GOLGA8B: variants seen among roughly 807,000 people sequenced by gnomAD.
The protein encoded by GOLGA8B is golgin subfamily A member 8B.
A neutral mutation model predicts 15.6 loss-of-function variants in GOLGA8B; 1 was observed. The observed-to-expected ratio is 0.06, with a 90% CI of 0.02 to 0.30. The LOEUF (loss-of-function observed/expected upper bound fraction) is 0.30. Ranked by LOEUF, GOLGA8B falls within the 10% of genes least tolerant of loss-of-function variation. The probability of loss-of-function intolerance (pLI) is 1.00; values close to 1 mark genes in which losing one functional copy is unlikely to be tolerated. For synonymous variants in GOLGA8B, 9 were observed against 80.3 expected (o/e 0.11, Z 4.75); for missense variants, 17 against 201.3 (o/e 0.08, Z 5.54).
At position 34,526,443 on chromosome 15, in the gene GOLGA8B, A is replaced by G. The variant is rs1346079342; in HGVS notation, c.*1189T>C. 3.4e-5 allele frequency: 5 copies of G among 148,934 alleles called. No individual in the cohort carries two copies. The highest frequency in any genetic ancestry group is 7.4e-5 in the Non-Finnish European group (5 of 67,164). 9.2% of individuals were successfully genotyped at this position (148,934 alleles called of 1,614,324 possible). ...ATGTCAGAGTAACCGAGGTGGTTGA[A>G]GAATAGGTATTAGCCAGAGAGGTCT... On this transcript the variant is annotated 3_prime_UTR_variant, in exon 24 of 24. Transcript: ENST00000683415.
rs1047206147 is a variant in GOLGA8B, at chr15:34,526,839, C to A, written c.*793G>T. The A allele has an allele frequency of 1.3e-5, 2 of 149,396 alleles. No homozygotes were observed. The highest frequency in any genetic ancestry group is 5.0e-5 in the African/African-American group (2 of 40,374). 9.3% of individuals were successfully genotyped at this position (149,396 alleles called of 1,614,324 possible). A position where few individuals can be genotyped will look rare whatever the true frequency, so the allele number is the denominator to read the frequency against. ...ATTTTTAGGTCACTGAAAAAGAGTG[C>A]AACTGCTGCAGCTCACGATGCAATA... On this transcript the variant is annotated 3_prime_UTR_variant, in exon 24 of 24. Transcript: ENST00000683415.
At chr15:34,554,487 G>T (rs552833707) in intron 1 of GOLGA8B, among the ~76,000 whole-genome samples, 2 of 130,722 alleles carry the variant, frequency 1.5e-5, no homozygotes, top group African/African-American at 2.9e-5. Context: ...ACTACACCAC[G>T]CACACAAAAC....
intron 1 of GOLGA8B, among the ~76,000 whole-genome samples, chr15:34,562,494 TTA>T (rs972534392): frequency 4.6e-5 from 5 of 109,462 alleles, no homozygotes; most frequent in African/African-American, 1.2e-4. Context: ...TATTCATATT[TTA>T]TGTTTTGTTT....
intron 1 of GOLGA8B, among the ~76,000 whole-genome samples, chr15:34,561,043 G>A (rs1888612212): frequency 2.0e-5 from 3 of 146,560 alleles, no homozygotes; most frequent in Non-Finnish European, 3.0e-5. Flanking sequence ...GACCCAGAGT[G>A]GCACCTGGTA....
intron 1 of GOLGA8B, among the ~76,000 whole-genome samples, chr15:34,581,060 T>A (rs989658053): frequency 6.6e-6 from 1 of 152,152 alleles, no homozygotes; most frequent in South Asian, 2.1e-4. Flanking sequence ...GCCGAAGACA[T>A]TGAAGCCACC....
intron 1 of GOLGA8B, among the ~76,000 whole-genome samples, chr15:34,582,092 G>C (rs910994834): frequency 3.9e-5 from 6 of 152,172 alleles, no homozygotes; most frequent in Non-Finnish European, 8.8e-5. Flanking sequence ...CAGGCTGAAG[G>C]GGGAGGCAGC....
chr15:34,579,750 C>G (rs757561158), intron 1 of GOLGA8B, among the ~76,000 whole-genome samples: 9 of 152,182 alleles, frequency 5.9e-5, no homozygotes, highest in African/African-American at 9.7e-5. Context: ...GGGAGCAGGA[C>G]ATGTGCTGCA....
chr15:34,580,810 G>A (rs563573048), intron 1 of GOLGA8B, among the ~76,000 whole-genome samples: 1 of 152,250 alleles, frequency 6.6e-6, no homozygotes, highest in African/African-American at 2.4e-5. Context: ...CTGCCTCCTG[G>A]TGAGCAACCA....
chr15:34,575,248 C>T (rs1234542335), intron 1 of GOLGA8B, among the ~76,000 whole-genome samples: 3 of 151,970 alleles, frequency 2.0e-5, no homozygotes, highest in Admixed American at 1.3e-4. Flanking sequence ...CGGCCAGACA[C>T]CTGCCCCCGC....
chr15:34,550,788 G>A (rs1187267234), intron 4 of GOLGA8B, among the ~76,000 whole-genome samples: 1 of 139,450 alleles, frequency 7.2e-6, no homozygotes, highest in Non-Finnish European at 1.5e-5. Flanking sequence ...GAACTCAGGT[G>A]TTCAAGACCA....
At chr15:34,571,586 G>T (rs1888914447) in intron 1 of GOLGA8B, among the ~76,000 whole-genome samples, 1 of 147,870 alleles carries the variant, frequency 6.8e-6, no homozygotes, top group African/African-American at 2.5e-5. Context: ...GGTCAAAGTG[G>T]CTGACTAGGA....
Position 34,565,301 on chromosome 15 carries a change from A to AATTTTTGT in GOLGA8B, c.-1122-11353_-1122-11346dup, listed in dbSNP as rs1239334450. Among the ~76,000 whole-genome samples the AATTTTTGT allele has an allele frequency of 5.1e-5, 7 of 137,736 alleles. No individual in the cohort carries two copies. The East Asian group carries it at 1.4e-3, about 27-fold the overall frequency. 90.4% of individuals were successfully genotyped at this position (137,736 alleles called of 152,430 possible). On this transcript the variant is annotated intron_variant, in intron 1 of 23. Coordinates refer to ENST00000683415, the MANE Select transcript of GOLGA8B (RefSeq NM_001023567.5). ...CAGGCGTCCGCCACCACGCCTGGCTAATTTTTGTATTTTTGTAGAGACAGG... is the reference window on the plus strand; with the variant it reads ...CAGGCGTCCGCCACCACGCCTGGCTAATTTTTGTATTTTTGTATTTTTGTAGAGACAGG...
Position 34,527,454 on chromosome 15 carries a change from C to G in GOLGA8B, c.*178G>C. On this transcript the variant is annotated 3_prime_UTR_variant, in exon 24 of 24. Transcript: ENST00000683415. Reference sequence around the variant, plus strand: ...CCAGAGTGAACATCAGTGAGAGGCACAGAGACCCACTCTCTTTTAACTTTT... The same window carrying G: ...CCAGAGTGAACATCAGTGAGAGGCAGAGAGACCCACTCTCTTTTAACTTTT... 3 of 721,656 alleles carry G rather than the reference C, an allele frequency of 4.2e-6. No individual in the cohort carries two copies. In the South Asian group the frequency reaches 6.5e-5, roughly 16 times the overall value. 44.7% of individuals were successfully genotyped at this position (721,656 alleles called of 1,614,324 possible).
chr15:34,548,760 C>CGTTT (rs145014745), intron 4 of GOLGA8B, among the ~76,000 whole-genome samples: 5 of 12,916 alleles, frequency 3.9e-4, no homozygotes, highest in Admixed American at 3.6e-3. Flanking sequence ...ACTCCCTTTT[C>CGTTT]GTTTGTTTGT....
intron 1 of GOLGA8B, among the ~76,000 whole-genome samples, chr15:34,571,764 C>T (rs1469126160): frequency 6.6e-6 from 1 of 152,056 alleles, no homozygotes; most frequent in African/African-American, 2.4e-5. Flanking sequence ...TACAGAAACC[C>T]ATTCTCTAAG....
intron 1 of GOLGA8B, chr15:34,582,770 A>G (rs1257547860): frequency 1.3e-5 from 2 of 152,046 alleles, no homozygotes; most frequent in African/African-American, 4.8e-5. Flanking sequence ...CGCCCGACCC[A>G]TGGAGCCCTG....
rs762410209 is a variant in GOLGA8B, at chr15:34,527,040, C to CA, written c.*591dup. The CA allele has an allele frequency of 8.0e-5, 14 of 174,114 alleles. No homozygotes were observed. The highest frequency in any genetic ancestry group is 6.4e-4 in the South Asian group (5 of 7,790). The allele number at this position is 174,114 out of a possible 1,614,324, so 10.8% of individuals were successfully genotyped here. On this transcript the variant is annotated 3_prime_UTR_variant, in exon 24 of 24. Transcript: ENST00000683415. ...CCCAAAAGGTTATCACTCCCATCAC[C>CA]AATACACAGAAAATGGAGGAAAGGC... is the stretch of plus-strand genomic sequence containing the variant.
Position 34,573,453 on chromosome 15 carries a change from C to A in GOLGA8B, c.-1123+10063G>T, listed in dbSNP as rs540788481. Among the ~76,000 whole-genome samples, 3 of 144,936 alleles carry A rather than the reference C, an allele frequency of 2.1e-5. No homozygotes were observed. In the South Asian group the frequency reaches 6.7e-4, roughly 33 times the overall value. ...TCGGGAGGCTGAGGAAGGAGAATGG[C>A]GTGAACCCAGGAGGTGGAGCTTACA... On this transcript the variant is annotated intron_variant, in intron 1 of 23. Transcript: ENST00000683415.
intron 1 of GOLGA8B, among the ~76,000 whole-genome samples, chr15:34,574,265 C>T (rs138924442): frequency 2.0e-5 from 3 of 152,050 alleles, no homozygotes; most frequent in African/African-American, 7.2e-5. Context: ...CACTCCCAAC[C>T]CCCACATCAA....
Sources: allele counts gnomAD v4.1 joint callset (sites outside exome capture counted in the v4.1 genomes callset), GRCh38; gene constraint gnomAD v4.1.1; transcripts MANE v1.5; gene names NCBI Gene and HGNC (gene_info 2026-07-23, HGNC 2026-07-21).